Variants in NAV2 observed in about 807,000 individuals in gnomAD.
The protein encoded by NAV2 is neuron navigator 2.
In NAV2, 54 loss-of-function variants were observed where a neutral mutation model predicts 223.2. The observed-to-expected ratio is 0.24, with a 90% CI of 0.19 to 0.30. NAV2 has a LOEUF of 0.30. Among genes scored for constraint, NAV2 ranks in the 10% least tolerant of loss-of-function variants. The pLI is 1.00. For missense variants in NAV2, 2,806 were observed against 3,147.5 expected (o/e 0.89, Z 2.60); for synonymous variants, 1,279 against 1,239.3 (o/e 1.03, Z -0.67).
At chr11:19,826,996 A>G (rs2059671113) in intron 1 of NAV2, among the ~76,000 whole-genome samples, 1 of 152,160 alleles carries the variant, frequency 6.6e-6, no homozygotes, top group Non-Finnish European at 1.5e-5. Context: ...CGTTCTCTAC[A>G]TCTGCTATAT....
At chr11:19,999,294 A>G (rs2052298195) in intron 11 of NAV2, among the ~76,000 whole-genome samples, 1 of 152,276 alleles carries the variant, frequency 6.6e-6, no homozygotes, top group African/African-American at 2.4e-5. Flanking sequence ...CCTTCAAAAA[A>G]ATCGGGTTAT....
chr11:19,765,324 C>A (rs942484030), intron 1 of NAV2, among the ~76,000 whole-genome samples: 3 of 151,922 alleles, frequency 2.0e-5, no homozygotes, highest in Admixed American at 2.0e-4. Context: ...TCTCCTCCTC[C>A]TTCCTCATCC....
At chr11:19,945,160 CCCTTCCCT>C (rs2046815680) in intron 8 of NAV2, among the ~76,000 whole-genome samples, 3 of 14,376 alleles carry the variant, frequency 2.1e-4, no homozygotes, top group Non-Finnish European at 5.1e-4. Flanking sequence ...TGTCTCCCTT[CCCTTCCCT>C]TCCCTTCCCT....
intron 1 of NAV2, among the ~76,000 whole-genome samples, chr11:19,702,105 G>A (rs1423797125): frequency 1.3e-5 from 2 of 152,188 alleles, no homozygotes; most frequent in African/African-American, 4.8e-5. Context: ...TAGTTATAGA[G>A]GCAAGTTGAT....
chr11:19,793,611 G>A (rs11025256), intron 1 of NAV2, among the ~76,000 whole-genome samples: 79,474 of 151,972 alleles, frequency 0.52, 23,027 homozygotes, highest in Middle Eastern at 0.71. Flanking sequence ...TCTGCTCCCA[G>A]CCCTGCCTCT....
At chr11:20,065,452 A>G (rs1564968824) in intron 20 of NAV2, among the ~76,000 whole-genome samples, 1 of 152,230 alleles carries the variant, frequency 6.6e-6, no homozygotes, top group African/African-American at 2.4e-5. Context: ...ATTGCCATGG[A>G]AAAGTTATGG....
At chr11:19,543,539 G>T (rs1435699376) in intron 1 of NAV2, among the ~76,000 whole-genome samples, 1 of 152,094 alleles carries the variant, frequency 6.6e-6, no homozygotes, top group African/African-American at 2.4e-5. Context: ...TTTTGGGAAA[G>T]GTTCAGAATG....
intron 1 of NAV2, among the ~76,000 whole-genome samples, chr11:19,590,757 T>C (rs1167369766): frequency 6.6e-6 from 1 of 152,212 alleles, no homozygotes; most frequent in Non-Finnish European, 1.5e-5. Flanking sequence ...TTATGGTTTT[T>C]TCTTTAAGTC....
At chr11:20,056,199 A>G (rs921789980) in intron 19 of NAV2, among the ~76,000 whole-genome samples, 4 of 152,172 alleles carry the variant, frequency 2.6e-5, no homozygotes, top group Admixed American at 2.6e-4. Context: ...TCACTGGTGA[A>G]CCATAGAGCT....
chr11:19,412,373 T>A (rs769299220), intron 1 of NAV2, among the ~76,000 whole-genome samples: 2 of 151,888 alleles, frequency 1.3e-5, no homozygotes, highest in African/African-American at 4.8e-5. Context: ...CCTCTCTAGA[T>A]TCCTCCTCTC....
At chr11:19,634,129 G>A (rs2047424075) in intron 1 of NAV2, among the ~76,000 whole-genome samples, 1 of 152,200 alleles carries the variant, frequency 6.6e-6, no homozygotes, top group African/African-American at 2.4e-5. Context: ...TGACCACCGT[G>A]GAGCAGGTTT....
At chr11:20,041,035 G>T (rs925954513) in intron 12 of NAV2, among the ~76,000 whole-genome samples, 21 of 152,166 alleles carry the variant, frequency 1.4e-4, no homozygotes, top group African/African-American at 5.1e-4. Flanking sequence ...AGGGGCATGT[G>T]CGCTGTCTCT....
rs1457147455 is a variant in NAV2 at position 20,121,594 on chromosome 11, T to C, written c.*3336T>C. ...TGATTCAATAAAATTGATGCTTATTTATTCAGATTAGTGGTTTGGCTTGTC... is the reference window on the plus strand; with the variant it reads ...TGATTCAATAAAATTGATGCTTATTCATTCAGATTAGTGGTTTGGCTTGTC... On this transcript the variant is annotated 3_prime_UTR_variant, in exon 38 of 38. Coordinates refer to ENST00000349880, the MANE Select transcript of NAV2 (RefSeq NM_145117.5). 6.5e-6 allele frequency: 1 copy of C among 152,694 alleles called. No individual in the cohort carries two copies. Among genetic ancestry groups the C allele is most frequent in the Non-Finnish European group, 1.5e-5 (1 of 68,050 alleles). The allele number at this position is 152,694 out of a possible 1,614,324, so 9.5% of individuals were successfully genotyped here.
chr11:19,762,114 G>A (rs563821327), intron 1 of NAV2, among the ~76,000 whole-genome samples: 8 of 152,232 alleles, frequency 5.3e-5, no homozygotes, highest in African/African-American at 9.6e-5. Flanking sequence ...ATGGTGGCAC[G>A]TCCCTGTAAT....
chr11:19,709,346 T>A (rs932102204), upstream of NAV2, among the ~76,000 whole-genome samples: 2 of 151,612 alleles, frequency 1.3e-5, no homozygotes, highest in Admixed American at 6.6e-5. Context: ...GTCGAGACCA[T>A]CCTGGCTAAC....
At chr11:19,351,976 AGTGTGTGT>A (rs59544307) in intron 1 of NAV2, among the ~76,000 whole-genome samples, 24 of 145,680 alleles carry the variant, frequency 1.6e-4, no homozygotes, top group African/African-American at 3.8e-4. Flanking sequence ...TCTCTCTGTG[AGTGTGTGT>A]GTGTGTGTGT....
chr11:19,641,023 C>A (rs2047648981), intron 1 of NAV2, among the ~76,000 whole-genome samples: 1 of 152,156 alleles, frequency 6.6e-6, no homozygotes, highest in Non-Finnish European at 1.5e-5. Flanking sequence ...ATCAGAGCAT[C>A]AGTGTTTTGG....
chr11:19,517,935 A>G (rs950906408), intron 1 of NAV2, among the ~76,000 whole-genome samples: 1 of 152,272 alleles, frequency 6.6e-6, no homozygotes, highest in African/African-American at 2.4e-5. Context: ...CCTGTGCCAT[A>G]GAAAGATACT....
chr11:19,497,155 G>A (rs914082309), intron 1 of NAV2, among the ~76,000 whole-genome samples: 1 of 152,186 alleles, frequency 6.6e-6, no homozygotes, highest in Non-Finnish European at 1.5e-5. Context: ...GTTTTACTTT[G>A]AGCAAGTTTC....
Sources: allele counts gnomAD v4.1 joint callset (sites outside exome capture counted in the v4.1 genomes callset), GRCh38; gene constraint gnomAD v4.1.1; transcripts MANE v1.5; gene names NCBI Gene and HGNC (gene_info 2026-07-23, HGNC 2026-07-21).